The following PDXK variants were observed in gnomAD, a reference collection of about 807,000 sequenced individuals.
The protein encoded by PDXK is epididymis secretory sperm binding protein Li 1a.
A neutral mutation model predicts 43.2 loss-of-function variants in PDXK; 15 were observed. That is an observed-to-expected ratio of 0.35 (90% CI 0.23 to 0.53). PDXK has a LOEUF of 0.53. Ranked by LOEUF, PDXK falls within the 20% of genes least tolerant of loss-of-function variation. PDXK has a pLI of 0.92. For synonymous variants in PDXK, 172 were observed against 165.4 expected, an observed-to-expected ratio of 1.04 and a Z score of -0.31; for missense variants, 343 against 417.0, an observed-to-expected ratio of 0.82 and a Z score of 1.54.
intron 1 of PDXK, chr21:43,719,595 G>GT (rs1568969494): frequency 1.0e-6 from 1 of 984,970 alleles, no homozygotes; most frequent in African/African-American, 1.7e-5. Flanking sequence ...GCCCCTGCGG[G>GT]TGGGACGGGT....
intron 9 of PDXK, among the ~76,000 whole-genome samples, chr21:43,753,934 G>A (rs1018207506): frequency 3.9e-5 from 6 of 152,252 alleles, no homozygotes; most frequent in Non-Finnish European, 5.9e-5. Context: ...TGGGACCTAG[G>A]GATGATCAGA....
intron 1 of PDXK, among the ~76,000 whole-genome samples, chr21:43,725,163 A>G (rs936048114): frequency 1.4e-4 from 21 of 152,130 alleles, no homozygotes; most frequent in African/African-American, 4.6e-4. Context: ...CTCTACTAAA[A>G]TTACAAAAAA....
At chr21:43,755,369 G>A in intron 9 of PDXK, 1 of 335,582 alleles carries the variant, frequency 3.0e-6, no homozygotes, top group Non-Finnish European at 5.7e-6. Context: ...TTGTAGACTC[G>A]TTATAAGGAG....
At chr21:43,741,814 CT>C in intron 3 of PDXK, 43 bp downstream of exon 3, 2 of 1,342,236 alleles carry the variant, frequency 1.5e-6, no homozygotes, top group Non-Finnish European at 2.1e-6. Context: ...ACGCACCCCA[CT>C]CCAGCCAGGG....
At position 43,757,761 on chromosome 21, in the gene PDXK, T is replaced by TG. The variant is rs1007174310; in HGVS notation, c.*1699dup. ...CCGAGGACACGGGTGGCAGGCCCGT[T>TG]GCAGCCCAGAGCCACTGGTCCCTAC... On this transcript the variant is annotated 3_prime_UTR_variant, in exon 11 of 11. Coordinates refer to ENST00000291565, the MANE Select transcript of PDXK (RefSeq NM_003681.5). 1.3e-5 allele frequency: 2 copies of TG among 152,168 alleles called. 1 individual carries two copies. The highest frequency in any genetic ancestry group is 1.3e-4 in the Admixed American group (2 of 15,284). 9.4% of individuals were successfully genotyped at this position (152,168 alleles called of 1,614,324 possible).
In PDXK at chr21:43,719,141, C is replaced by G; in HGVS notation, c.-154C>G. 1 of 320,238 alleles carries G rather than the reference C, an allele frequency of 3.1e-6. No individual in the cohort carries two copies. The highest frequency in any genetic ancestry group is 5.5e-6 in the Non-Finnish European group (1 of 180,582). The allele number at this position is 320,238 out of a possible 1,614,324, so 19.8% of individuals were successfully genotyped here. A position where few individuals can be genotyped will look rare whatever the true frequency, so the allele number is the denominator to read the frequency against. ...GCCGCCCGCTGAGGTCAGAAGGAGG[C>G]GTCTGCGCTGATCGGGTCCGCCGCG... On this transcript the variant is annotated 5_prime_UTR_variant, in exon 1 of 11. Transcript: ENST00000291565.
intron 1 of PDXK, chr21:43,721,547 G>A (rs1382744379): frequency 6.6e-6 from 1 of 152,266 alleles, no homozygotes; most frequent in Non-Finnish European, 1.5e-5. Context: ...GTGTCTGGGG[G>A]TCCCACCTCA....
rs768482603 is a variant in PDXK at position 43,734,090 on chromosome 21, G to A, written c.109G>A (p.Ala37Thr). ...PLQVLGFEID[A>T]VNSVQFSNHT... ...GCAGGTTTTGGGATTTGAGATTGAC[G>A]CGGTGAACTCTGTCCAGTTTTCAAA... is the stretch of plus-strand genomic sequence containing the variant. The change falls in exon 2 of 11, where the codon GCG (alanine) becomes ACG (threonine). Residue 37 changes from alanine to threonine, a missense_variant. Physicochemically the swap from Ala to Thr is moderately conservative, Grantham distance 58. Transcript: ENST00000291565. The surrounding 1 kb of genome is among the most constrained non-coding windows in gnomAD (Gnocchi z 5.0). 41 of 1,614,102 alleles carry A rather than the reference G, an allele frequency of 2.5e-5. No homozygotes were observed. The highest frequency in any genetic ancestry group is 9.9e-5 in the South Asian group (9 of 91,090).
chr21:43,744,228 G>T (rs1036569909), intron 4 of PDXK, among the ~76,000 whole-genome samples: 6 of 152,004 alleles, frequency 3.9e-5, no homozygotes, highest in Non-Finnish European at 7.4e-5. Flanking sequence ...TAGGGAGTGG[G>T]GGGAGGGAGG....
rs943003952 is a variant in PDXK at position 43,737,193 on chromosome 21, A to G, written c.142+3070A>G. The G allele has an allele frequency of 1.4e-6, 2 of 1,444,984 alleles. No individual in the cohort carries two copies. The highest frequency in any genetic ancestry group is 2.8e-5 in the African/African-American group (2 of 70,272). The allele number at this position is 1,444,984 out of a possible 1,614,324, so 89.5% of individuals were successfully genotyped here. ...CCCGGCAGGGACACGGGTGTTCCACACAAGCTGCGTTGTTGGTTCCCTGAC... is the reference window on the plus strand; with the variant it reads ...CCCGGCAGGGACACGGGTGTTCCACGCAAGCTGCGTTGTTGGTTCCCTGAC... On this transcript the variant is annotated intron_variant, in intron 2 of 10. Transcript: ENST00000291565. The surrounding 1 kb of genome is among the most constrained non-coding windows in gnomAD (Gnocchi z 4.8).
intron 4 of PDXK, 109 bp downstream of exon 4, chr21:43,743,916 C>T (rs911084883): frequency 9.9e-6 from 7 of 709,506 alleles, no homozygotes; most frequent in African/African-American, 5.2e-5. Flanking sequence ...TGCACGCCTC[C>T]GTGCCCCGCC....
intron 3 of PDXK, 133 bp downstream of exon 3, chr21:43,741,904 C>G: frequency 1.5e-6 from 1 of 666,148 alleles, no homozygotes; most frequent in Middle Eastern, 3.9e-4. Flanking sequence ...CCTTGGCGTG[C>G]CCAAGCCACC....
At chr21:43,729,244 T>C (rs926668964) in intron 1 of PDXK, among the ~76,000 whole-genome samples, 2 of 152,220 alleles carry the variant, frequency 1.3e-5, no homozygotes, top group Admixed American at 1.3e-4. Context: ...GTGGCAGCAG[T>C]GGGTTTGTCA....
chr21:43,739,204 G>T (rs2083453188), intron 2 of PDXK, among the ~76,000 whole-genome samples: 1 of 152,114 alleles, frequency 6.6e-6, no homozygotes, highest in African/African-American at 2.4e-5. Flanking sequence ...GTATTTTTTA[G>T]TAGAGATGAG....
At chr21:43,752,356 G>A (rs1012711065) in intron 7 of PDXK, among the ~76,000 whole-genome samples, 162 bp from the exon 8 acceptor site, 6 of 152,198 alleles carry the variant, frequency 3.9e-5, no homozygotes, top group African/African-American at 9.6e-5. Context: ...TCTTCCCTCC[G>A]GGAGTGCCGC....
chr21:43,752,127 G>GCA (rs1491458248), intron 7 of PDXK, among the ~76,000 whole-genome samples: 4 of 146,470 alleles, frequency 2.7e-5, no homozygotes, highest in African/African-American at 9.8e-5. Flanking sequence ...GTGTGTGTGT[G>GCA]CGCGCGCGTG....
chr21:43,735,401 G>A lies in PDXK; in HGVS notation c.142+1278G>A, dbSNP rs916481702. The stretch of plus-strand genomic sequence containing the variant: ...TGCCCTTGCATGGATTCCAGGTTGC[G>A]GGAGGGCCCCGGGCTTTGGCAATGC... On this transcript the variant is annotated intron_variant, in intron 2 of 10. Coordinates refer to ENST00000291565, the MANE Select transcript of PDXK (RefSeq NM_003681.5). The surrounding 1 kb of genome is among the most constrained non-coding windows in gnomAD (Gnocchi z 5.3). 7.2e-5 allele frequency among the ~76,000 whole-genome samples: 11 copies of A among 152,234 alleles called. No homozygotes were observed. Among genetic ancestry groups the A allele is most frequent in the African/African-American group, 2.2e-4 (9 of 41,460 alleles).
In PDXK at chr21:43,741,741, A is replaced by G. The variant is rs1233063713; in HGVS notation, c.217A>G (p.Asn73Asp). 6.2e-7 allele frequency: 1 copy of G among 1,611,812 alleles called. No homozygotes were observed. Among genetic ancestry groups the G allele is most frequent in the Non-Finnish European group, 8.5e-7 (1 of 1,178,486 alleles). The change falls in exon 3 of 11, where the codon AAC (asparagine) becomes GAC (aspartate). Residue 73 changes from asparagine to aspartate, a missense_variant. Transcript: ENST00000291565. ...QELYEGLRLN[N>D]MNKYDYVLTG... Reference sequence around the variant, plus strand: ...GTTGTACGAAGGCCTGAGGCTGAACAACATGAATAAATATGACTACGTGCT... The same window carrying G: ...GTTGTACGAAGGCCTGAGGCTGAACGACATGAATAAATATGACTACGTGCT...
chr21:43,751,883 GTGCTTTGGGC>G (rs2083756502), intron 7 of PDXK, among the ~76,000 whole-genome samples: 2 of 152,234 alleles, frequency 1.3e-5, no homozygotes, highest in Non-Finnish European at 2.9e-5. Context: ...AGGAGTCCAT[GTGCTTTGGGC>G]TGCGTTCCCA....
Sources: allele counts gnomAD v4.1 joint callset (sites outside exome capture counted in the v4.1 genomes callset), GRCh38; gene constraint gnomAD v4.1.1; non-coding constraint Gnocchi (gnomAD v3.1); transcripts MANE v1.5; gene names NCBI Gene and HGNC (gene_info 2026-07-23, HGNC 2026-07-21).